The following JAKMIP1 variants were observed in gnomAD, a reference collection of about 807,000 sequenced individuals.
JAKMIP1 encodes janus kinase and microtubule-interacting protein 1.
Under a neutral mutation model 113.0 loss-of-function variants are expected in JAKMIP1, and 33 were observed. The observed-to-expected ratio is 0.29, with a 90% CI of 0.22 to 0.39. JAKMIP1 has a LOEUF of 0.39. Ranked by LOEUF, JAKMIP1 falls within the 10% of genes least tolerant of loss-of-function variation. JAKMIP1 has a pLI of 1.00. For synonymous variants in JAKMIP1, 480 were observed against 459.9 expected (o/e 1.04, Z -0.56); for missense variants, 813 against 1,080.5 (o/e 0.75, Z 3.47).
At position 6,080,905 on chromosome 4, in the gene JAKMIP1, T is replaced by C. The variant is rs567084352; in HGVS notation, c.1102-593A>G. Among the ~76,000 whole-genome samples, 3 of 149,822 alleles carry C rather than the reference T, an allele frequency of 2.0e-5. No individual in the cohort carries two copies. The highest frequency in any genetic ancestry group is 3.9e-4 in the East Asian group (2 of 5,064). On this transcript the variant is annotated intron_variant, in intron 6 of 20. Coordinates refer to ENST00000409021, the MANE Select transcript of JAKMIP1 (RefSeq NM_001099433.2). The surrounding 1 kb of genome is among the most constrained non-coding windows in gnomAD (Gnocchi z 6.0). ...GGAAGGGATGCGCAGGGCCTGGGGGTGGAAGACGACATTTGAAATGAGCCT... is the reference window on the plus strand; with the variant it reads ...GGAAGGGATGCGCAGGGCCTGGGGGCGGAAGACGACATTTGAAATGAGCCT...
intron 4 of JAKMIP1, among the ~76,000 whole-genome samples, 197 bp downstream of exon 4, chr4:6,085,223 C>G (rs560785273): frequency 3.3e-5 from 5 of 152,268 alleles, no homozygotes; most frequent in African/African-American, 1.2e-4. Flanking sequence ...CACCCCGTAT[C>G]TCTTACAAAG....
intron 10 of JAKMIP1, 96 bp downstream of exon 10, chr4:6,062,216 T>G: frequency 7.3e-7 from 1 of 1,366,968 alleles, no homozygotes; most frequent in Non-Finnish European, 1.0e-6. Flanking sequence ...GAATCCCCTC[T>G]GAGTGTCCAA....
intron 1 of JAKMIP1, among the ~76,000 whole-genome samples, chr4:6,191,856 ATTAC>A (rs1374527010): frequency 1.3e-5 from 2 of 152,194 alleles, no homozygotes; most frequent in Non-Finnish European, 2.9e-5. Flanking sequence ...TGTGAAAATT[ATTAC>A]TAAGATATTT....
rs1722550460 is a variant in JAKMIP1 at position 6,094,571 on chromosome 4, C to T, written c.625-8942G>A. Among the ~76,000 whole-genome samples, 2 of 152,248 alleles carry T rather than the reference C, an allele frequency of 1.3e-5. No individual in the cohort carries two copies. Among genetic ancestry groups the T allele is most frequent in the Admixed American group, 1.3e-4 (2 of 15,290 alleles). On this transcript the variant is annotated intron_variant, in intron 3 of 20. Coordinates refer to ENST00000409021, the MANE Select transcript of JAKMIP1 (RefSeq NM_001099433.2). The surrounding 1 kb of genome is among the most constrained non-coding windows in gnomAD (Gnocchi z 4.2). ...CGGCCCCTGTTCTCCTAGTTGAGAT[C>T]CTGAGGCCCAAGGCCTTAAGCTGTG...
intron 3 of JAKMIP1, among the ~76,000 whole-genome samples, chr4:6,100,295 C>T (rs1712788316): frequency 6.6e-6 from 1 of 152,166 alleles, no homozygotes; most frequent in African/African-American, 2.4e-5. Flanking sequence ...ATAGATTTGG[C>T]TATTCTGGAG....
rs1720306003 is a variant in JAKMIP1, at chr4:6,142,513, TTTTA to T, written c.-147-29520_-147-29517del. On this transcript the variant is annotated intron_variant, in intron 1 of 20. Coordinates refer to ENST00000409021, the MANE Select transcript of JAKMIP1 (RefSeq NM_001099433.2). This position sits in a 1 kb window ranked among gnomAD's most constrained non-coding sequence, Gnocchi z 5.5. ...ATATGTAACAGTTAAGGGATTTTGC[TTTTA>T]TTTAATATTACTGGCACTTTTTTTA... Among the ~76,000 whole-genome samples, 1 of 152,276 alleles carries T rather than the reference TTTTA, an allele frequency of 6.6e-6. No homozygotes were observed. Among genetic ancestry groups the T allele is most frequent in the African/African-American group, 2.4e-5 (1 of 41,484 alleles).
chr4:6,028,397 C>G (rs1018349914), intron 20 of JAKMIP1, among the ~76,000 whole-genome samples: 2 of 152,190 alleles, frequency 1.3e-5, no homozygotes, highest in Non-Finnish European at 2.9e-5. Context: ...ACTTGCGACC[C>G]GGCAGGGCCC....
rs568823559 is a variant in JAKMIP1 at position 6,193,359 on chromosome 4, G to A, written c.-148+6894C>T. Among the ~76,000 whole-genome samples, 2 of 152,190 alleles carry A rather than the reference G, an allele frequency of 1.3e-5. No homozygotes were observed. Among genetic ancestry groups the A allele is most frequent in the East Asian group, 1.9e-4 (1 of 5,176 alleles). On this transcript the variant is annotated intron_variant, in intron 1 of 20. Coordinates refer to ENST00000409021, the MANE Select transcript of JAKMIP1 (RefSeq NM_001099433.2). This position sits in a 1 kb window ranked among gnomAD's most constrained non-coding sequence, Gnocchi z 6.4. ...CATCGTGAGACTTTACCTTGTGATC[G>A]GTGAGTCAATTCTCCTTAATAAACT...
In JAKMIP1 at chr4:6,177,416, G is replaced by T. The variant is rs2109033889; in HGVS notation, c.-148+22837C>A. Among the ~76,000 whole-genome samples, 3 of 152,236 alleles carry T rather than the reference G, an allele frequency of 2.0e-5. No individual in the cohort carries two copies. The Middle Eastern group carries it at 0.01, about 518-fold the overall frequency. On this transcript the variant is annotated intron_variant, in intron 1 of 20. Coordinates refer to ENST00000409021, the MANE Select transcript of JAKMIP1 (RefSeq NM_001099433.2). ...TGGGCCTCAAACTTAGCCTAGTAAAGGTTTATAAGCCACATCATCACCTAC... is the reference window on the plus strand; with the variant it reads ...TGGGCCTCAAACTTAGCCTAGTAAATGTTTATAAGCCACATCATCACCTAC...
chr4:6,170,565 C>T (rs1425162492), intron 1 of JAKMIP1, among the ~76,000 whole-genome samples: 5 of 151,674 alleles, frequency 3.3e-5, no homozygotes, highest in African/African-American at 1.2e-4. Flanking sequence ...TCACCACCAC[C>T]ACCATTGCCA....
In JAKMIP1 at chr4:6,105,531, G is replaced by T. The variant is rs751674190; in HGVS notation, c.566C>A (p.Ala189Glu). 3 of 1,607,988 alleles carry T rather than the reference G, an allele frequency of 1.9e-6. No individual in the cohort carries two copies. Among genetic ancestry groups the T allele is most frequent in the South Asian group, 2.2e-5 (2 of 89,874 alleles). ...KAADLRAAYQ[A>E]HQDEVHRIKR... ...GATGCGGTGCACCTCGTCTTGGTGCGCCTGGTAGGCGGCACGCAGGTCGGC... is the reference window on the plus strand; with the variant it reads ...GATGCGGTGCACCTCGTCTTGGTGCTCCTGGTAGGCGGCACGCAGGTCGGC... The change falls in exon 3 of 21, where the codon GCG (alanine) becomes GAG (glutamate). Residue 189 changes from alanine (A) to glutamate (E), a missense_variant. Around this residue, in one of 2 missense-constraint regions of JAKMIP1, gnomAD observed 540 missense variants for 653.9 expected, o/e 0.83. Coordinates refer to ENST00000409021, the MANE Select transcript of JAKMIP1 (RefSeq NM_001099433.2).
chr4:6,200,488 G>A lies in JAKMIP1; in HGVS notation c.-383C>T, dbSNP rs1728324053. On this transcript the variant is annotated 5_prime_UTR_variant, in exon 1 of 21. Transcript: ENST00000409021. The surrounding 1 kb of genome is among the most constrained non-coding windows in gnomAD (Gnocchi z 7.0). ...CGGCTCGGCGGGGCGGGAGTCGAGA[G>A]GCCGCGGCACTGGTGGCCGCGATCC... 6.6e-6 allele frequency: 1 copy of A among 151,218 alleles called. No individual in the cohort carries two copies. The highest frequency in any genetic ancestry group is 6.6e-5 in the Admixed American group (1 of 15,182). The allele number at this position is 151,218 out of a possible 1,614,324, so 9.4% of individuals were successfully genotyped here.
rs967489710 is a variant in JAKMIP1 at position 6,129,273 on chromosome 4, G to A, written c.-147-16276C>T. Among the ~76,000 whole-genome samples, 1 of 152,204 alleles carries A rather than the reference G, an allele frequency of 6.6e-6. No homozygotes were observed. The highest frequency in any genetic ancestry group is 1.9e-4 in the East Asian group (1 of 5,194). Reference sequence around the variant, plus strand: ...TGCAGAATCAAGTACAACTGGACAAGAGCTGGCACATGTGTGGTCAGATGC... The same window carrying A: ...TGCAGAATCAAGTACAACTGGACAAAAGCTGGCACATGTGTGGTCAGATGC... On this transcript the variant is annotated intron_variant, in intron 1 of 20. Transcript: ENST00000409021. This position sits in a 1 kb window ranked among gnomAD's most constrained non-coding sequence, Gnocchi z 5.4.
chr4:6,094,731 C>T lies in JAKMIP1; in HGVS notation c.625-9102G>A, dbSNP rs369714066. Among the ~76,000 whole-genome samples, 169 of 152,318 alleles carry T rather than the reference C, an allele frequency of 1.1e-3. 2 individuals carry two copies. The highest frequency in any genetic ancestry group is 3.0e-3 in the African/African-American group (125 of 41,580). Reference sequence around the variant, plus strand: ...AAATACAGCCAGACGCAGTGGCTCACGCCTATAATCCCAGCACTTTGGGAG... The same window carrying T: ...AAATACAGCCAGACGCAGTGGCTCATGCCTATAATCCCAGCACTTTGGGAG... On this transcript the variant is annotated intron_variant, in intron 3 of 20. Transcript: ENST00000409021. The surrounding 1 kb of genome is among the most constrained non-coding windows in gnomAD (Gnocchi z 4.2).
rs1158077057 is a variant in JAKMIP1 at position 6,062,335 on chromosome 4, G to A, written c.1537C>T (p.Leu513=). ...ALLQEQVGGT[L]DAEREARTRE... is the part of the protein sequence containing the mutation. The stretch of plus-strand genomic sequence containing the variant: ...ACCCGGGCCTCCCTCTCAGCGTCCA[G>A]CGTGCCTCCCACCTGCTCCTGGAGC... The change falls in exon 10 of 21, where the codon CTG becomes TTG. Residue 513 remains leucine, a synonymous_variant. Transcript: ENST00000409021. 1 of 1,613,200 alleles carries A rather than the reference G, an allele frequency of 6.2e-7. No individual in the cohort carries two copies. Among genetic ancestry groups the A allele is most frequent in the Non-Finnish European group, 8.5e-7 (1 of 1,179,964 alleles).
rs1272059097 is a variant in JAKMIP1, at chr4:6,067,595, G to GCACACA, written c.1303-2593_1303-2588dup. Among the ~76,000 whole-genome samples the GCACACA allele has an allele frequency of 2.0e-5, 3 of 149,530 alleles. No individual in the cohort carries two copies. The highest frequency in any genetic ancestry group is 3.9e-4 in the East Asian group (2 of 5,122). The stretch of plus-strand genomic sequence containing the variant: ...GCATCTGCAGCACTCAAGCTCTTCT[G>GCACACA]CACACACAGGTCACCCCCCTGAGCT... On this transcript the variant is annotated intron_variant, in intron 8 of 20. Coordinates refer to ENST00000409021, the MANE Select transcript of JAKMIP1 (RefSeq NM_001099433.2). This position sits in a 1 kb window ranked among gnomAD's most constrained non-coding sequence, Gnocchi z 4.6.
rs1334066411 is a variant in JAKMIP1, at chr4:6,158,810, C to G, written c.-148+41443G>C. 2.0e-5 allele frequency among the ~76,000 whole-genome samples: 3 copies of G among 152,080 alleles called. No homozygotes were observed. The highest frequency in any genetic ancestry group is 4.4e-5 in the Non-Finnish European group (3 of 68,022). On this transcript the variant is annotated intron_variant, in intron 1 of 20. Transcript: ENST00000409021. The surrounding 1 kb of genome is among the most constrained non-coding windows in gnomAD (Gnocchi z 5.3). ...CAGGAATTTAAAACACATACTGGGC[C>G]GGGCGTGGTGACTCACACCTGTAAT...
At chr4:6,145,762 T>C (rs953050781) in intron 1 of JAKMIP1, among the ~76,000 whole-genome samples, 1 of 152,180 alleles carries the variant, frequency 6.6e-6, no homozygotes, top group African/African-American at 2.4e-5. Flanking sequence ...GGTTTTAATA[T>C]AAGATCCTCC....
At chr4:6,091,450 T>A (rs1408291043) in intron 3 of JAKMIP1, among the ~76,000 whole-genome samples, 1 of 152,258 alleles carries the variant, frequency 6.6e-6, no homozygotes, top group East Asian at 1.9e-4. Context: ...AACTATAAGC[T>A]GCTACATGCT....
Sources: allele counts gnomAD v4.1 joint callset (sites outside exome capture counted in the v4.1 genomes callset), GRCh38; gene constraint gnomAD v4.1.1; regional missense constraint gnomAD v4.1.1; non-coding constraint Gnocchi (gnomAD v3.1); transcripts MANE v1.5; gene names NCBI Gene and HGNC (gene_info 2026-07-23, HGNC 2026-07-21).